Variants in MED30 observed in about 807,000 individuals in gnomAD.
MED30 encodes the protein mediator of RNA polymerase II transcription subunit 30.
MED30 carries 8 observed loss-of-function variants against 21.7 expected under a neutral mutation model. The ratio of observed to expected loss-of-function variants is 0.37; its 90% CI spans 0.22 to 0.67. The LOEUF is 0.67. Ranked by LOEUF, MED30 falls within the 30% of genes least tolerant of loss-of-function variation. The probability of loss-of-function intolerance (pLI) is 0.58; values close to 1 mark genes in which losing one functional copy is unlikely to be tolerated. For synonymous variants in MED30, 79 were observed against 86.7 expected, an observed-to-expected ratio of 0.91 and a Z score of 0.49; for missense variants, 203 against 228.2, an observed-to-expected ratio of 0.89 and a Z score of 0.71.
At chr8:117,529,633 A>G (rs764677416) in intron 2 of MED30, among the ~76,000 whole-genome samples, 18 of 152,110 alleles carry the variant, frequency 1.2e-4, no homozygotes, top group Non-Finnish European at 2.2e-4. Context: ...CGGCAAGTGG[A>G]TATCAGTCTT....
intron 3 of MED30, among the ~76,000 whole-genome samples, chr8:117,534,019 T>G (rs1020174354): frequency 6.6e-6 from 1 of 152,202 alleles, no homozygotes; most frequent in African/African-American, 2.4e-5. Flanking sequence ...CTCAGAAATT[T>G]GAAGGCATTC....
At chr8:117,523,318 G>A in intron 1 of MED30, 1 of 1,409,172 alleles carries the variant, frequency 7.1e-7, no homozygotes, top group Non-Finnish European at 9.9e-7. Context: ...CTGGAATTCG[G>A]TTGTTGACCC....
At position 117,539,018 on chromosome 8, in the gene MED30, C is replaced by T. The variant is rs954355105; in HGVS notation, c.442-865C>T. ...TCGACAGTTTACATTTTGTGCCTAACAGTAACATTTGTTGAATGTTTACTT... is the reference window on the plus strand; with the variant it reads ...TCGACAGTTTACATTTTGTGCCTAATAGTAACATTTGTTGAATGTTTACTT... On this transcript the variant is annotated intron_variant, in intron 3 of 3. Coordinates refer to ENST00000297347, the MANE Select transcript of MED30 (RefSeq NM_080651.4). Among the ~76,000 whole-genome samples, 3 of 152,216 alleles carry T rather than the reference C, an allele frequency of 2.0e-5. No homozygotes were observed. In the East Asian group the frequency reaches 5.8e-4, roughly 29 times the overall value.
intron 1 of MED30, among the ~76,000 whole-genome samples, chr8:117,526,330 G>T (rs996184984): frequency 1.6e-4 from 25 of 151,876 alleles, no homozygotes; most frequent in Admixed American, 1.6e-3. Context: ...CCAGAACAGT[G>T]TTCACTTACA....
rs115768836 is a variant in MED30, at chr8:117,539,829, C to T, written c.442-54C>T. Reference sequence around the variant, plus strand: ...AACTTATGATATTTTAATCTTCTAACTTCATGGTCTATATTTCCTGAAACA... The same window carrying T: ...AACTTATGATATTTTAATCTTCTAATTTCATGGTCTATATTTCCTGAAACA... On this transcript the variant is annotated intron_variant, in intron 3 of 3. Transcript: ENST00000297347. 1.1e-3 allele frequency: 1,186 copies of T among 1,040,740 alleles called. 9 individuals carry two copies. The African/African-American group carries it at 0.016, about 14-fold the overall frequency. 64.5% of individuals were successfully genotyped at this position (1,040,740 alleles called of 1,614,324 possible). A position where few individuals can be genotyped will look rare whatever the true frequency, so the allele number is the denominator to read the frequency against.
rs1464686169 is a variant in MED30, at chr8:117,520,828, C to G, written c.-49C>G. Reference sequence around the variant, plus strand: ...ACAGCCTCCCAATTCCGGGCAGACCCCTGACACCTGCTGTCTGGCCCCTTC... The same window carrying G: ...ACAGCCTCCCAATTCCGGGCAGACCGCTGACACCTGCTGTCTGGCCCCTTC... On this transcript the variant is annotated 5_prime_UTR_variant, in exon 1 of 4. Transcript: ENST00000297347. The G allele has an allele frequency of 6.6e-7, 1 of 1,506,886 alleles. No homozygotes were observed. Among genetic ancestry groups the G allele is most frequent in the South Asian group, 1.2e-5 (1 of 80,180 alleles). 93.3% of individuals were successfully genotyped at this position (1,506,886 alleles called of 1,614,324 possible).
At chr8:117,535,583 G>C (rs571889876) in intron 3 of MED30, among the ~76,000 whole-genome samples, 88 of 151,864 alleles carry the variant, frequency 5.8e-4, no homozygotes, top group African/African-American at 2.1e-3. Flanking sequence ...GTTTCTCGTA[G>C]TGAAAACTGG....
chr8:117,524,443 G>A (rs899829382), intron 1 of MED30, among the ~76,000 whole-genome samples: 2 of 152,200 alleles, frequency 1.3e-5, no homozygotes, highest in Non-Finnish European at 2.9e-5. Flanking sequence ...TTGAGAGTCT[G>A]ATGAAAACTG....
At chr8:117,532,547 A>G (rs1818805412) in intron 3 of MED30, among the ~76,000 whole-genome samples, 1 of 152,028 alleles carries the variant, frequency 6.6e-6, no homozygotes, top group Non-Finnish European at 1.5e-5. Context: ...CTTTAGAAAT[A>G]GAAACTTTGG....
intron 2 of MED30, 44 bp downstream of exon 2, chr8:117,528,853 T>C (rs1586862570): frequency 7.0e-7 from 1 of 1,426,808 alleles, no homozygotes; most frequent in Non-Finnish European, 9.4e-7. Context: ...AGGTGTGAAC[T>C]AGTGTCAAGA....
rs1586865848 is a variant in MED30 at position 117,535,546 on chromosome 8, T to TC, written c.442-4335dup. Among the ~76,000 whole-genome samples the TC allele has an allele frequency of 3.9e-5, 6 of 152,064 alleles. No homozygotes were observed. In the East Asian group the frequency reaches 9.6e-4, roughly 24 times the overall value. ...CCCAGCCGATACATCTTTTTTTTTT[T>TC]CCGTAATGGCACACACACCCGAGGG... On this transcript the variant is annotated intron_variant, in intron 3 of 3. Transcript: ENST00000297347.
chr8:117,523,274 G>A (rs1563787912), intron 1 of MED30: 11 of 1,147,684 alleles, frequency 9.6e-6, no homozygotes, highest in South Asian at 4.9e-5. Context: ...TACTGAGGTG[G>A]CTGACCATGT....
chr8:117,534,370 T>C (rs1181373841), intron 3 of MED30, among the ~76,000 whole-genome samples: 1 of 152,174 alleles, frequency 6.6e-6, no homozygotes, highest in Admixed American at 6.5e-5. Context: ...TTTCTGAAAG[T>C]TTGTGTATAT....
chr8:117,526,366 T>C (rs950530715), intron 1 of MED30, among the ~76,000 whole-genome samples: 3 of 152,112 alleles, frequency 2.0e-5, no homozygotes, highest in Non-Finnish European at 4.4e-5. Context: ...TAGACATCCT[T>C]TTCTGTTTCT....
chr8:117,538,205 A>AGAC (rs1223237806), intron 3 of MED30, among the ~76,000 whole-genome samples: 1 of 152,204 alleles, frequency 6.6e-6, no homozygotes, highest in African/African-American at 2.4e-5. Context: ...TGTGCAAGGG[A>AGAC]GACTAACTAA....
intron 3 of MED30, among the ~76,000 whole-genome samples, chr8:117,534,703 C>A (rs935918289): frequency 9.2e-5 from 14 of 152,096 alleles, no homozygotes; most frequent in Admixed American, 9.2e-4. Context: ...TGTATGAATT[C>A]TTCTACCTAT....
chr8:117,540,142 T>A lies in MED30; in HGVS notation c.*164T>A. 2.4e-6 allele frequency: 1 copy of A among 420,524 alleles called. No homozygotes were observed. Among genetic ancestry groups the A allele is most frequent in the Non-Finnish European group, 4.1e-6 (1 of 241,508 alleles). The allele number at this position is 420,524 out of a possible 1,614,324, so 26.0% of individuals were successfully genotyped here. A position where few individuals can be genotyped will look rare whatever the true frequency, so the allele number is the denominator to read the frequency against. On this transcript the variant is annotated 3_prime_UTR_variant, in exon 4 of 4. Coordinates refer to ENST00000297347, the MANE Select transcript of MED30 (RefSeq NM_080651.4). The stretch of plus-strand genomic sequence containing the variant: ...TTTACATTAAAATATTAACTTTTTT[T>A]AATGCTATTTTATGAAAGATTATTG...
At chr8:117,538,660 G>A (rs1442184060) in intron 3 of MED30, among the ~76,000 whole-genome samples, 1 of 152,082 alleles carries the variant, frequency 6.6e-6, no homozygotes, top group African/African-American at 2.4e-5. Flanking sequence ...ATTATAACTA[G>A]TAAACACTCT....
intron 1 of MED30, among the ~76,000 whole-genome samples, chr8:117,525,981 T>C (rs1239289922): frequency 6.6e-6 from 1 of 152,096 alleles, no homozygotes; most frequent in Non-Finnish European, 1.5e-5. Flanking sequence ...GACATCATTA[T>C]GATGTTGACT....
Sources: allele counts gnomAD v4.1 joint callset (sites outside exome capture counted in the v4.1 genomes callset), GRCh38; gene constraint gnomAD v4.1.1; transcripts MANE v1.5; gene names NCBI Gene and HGNC (gene_info 2026-07-23, HGNC 2026-07-21).